Variants in OR52H1 observed in about 807,000 individuals in gnomAD.
The protein encoded by OR52H1 is olfactory receptor family 52 subfamily H member 1, also known as olfactory receptor 52H1.
For missense variants in OR52H1, 383 were observed against 396.4 expected (o/e 0.97, Z 0.29); for synonymous variants, 148 against 138.6 (o/e 1.07, Z -0.48).
Position 5,544,879 on chromosome 11 carries a change from G to A in OR52H1, c.627C>T (p.Val209=), listed in dbSNP as rs773336622. Residue 209 remains valine (V), a synonymous_variant, in exon 2 of 2, where the codon GTC becomes GTT. Coordinates refer to ENST00000322653, the MANE Select transcript of OR52H1 (RefSeq NM_001005289.5). The stretch of plus-strand genomic sequence containing the variant: ...CAGCAATGAGAATCACATCTGAGAT[G>A]ACCGTCATGATGGGAACACAAAAGC... ...WYGFCVPIMT[V]ISDVILIAVS... The A allele has an allele frequency of 7.2e-5, 117 of 1,613,892 alleles. No individual in the cohort carries two copies. The highest frequency in any genetic ancestry group is 9.6e-5 in the Non-Finnish European group (113 of 1,179,918).
In OR52H1 at chr11:5,544,893, G is replaced by A. The variant is rs866438299; in HGVS notation, c.613C>T (p.Pro205Ser). The change falls in exon 2 of 2, where the codon CCC becomes TCC. Residue 205 changes from proline to serine, a missense_variant. Pro to Ser is a moderately conservative substitution (Grantham distance 74, BLOSUM62 -1). Coordinates refer to ENST00000322653, the MANE Select transcript of OR52H1 (RefSeq NM_001005289.5). Reference protein sequence around the residue: ...SINFWYGFCVPIMTVISDVIL... With the variant: ...SINFWYGFCVSIMTVISDVIL... ...ACATCTGAGATGACCGTCATGATGGGAACACAAAAGCCATACCAGAAGTTG... is the reference window on the plus strand; with the variant it reads ...ACATCTGAGATGACCGTCATGATGGAAACACAAAAGCCATACCAGAAGTTG... 2 of 1,613,918 alleles carry A rather than the reference G, an allele frequency of 1.2e-6. No individual in the cohort carries two copies. The highest frequency in any genetic ancestry group is 1.7e-6 in the Non-Finnish European group (2 of 1,179,890).
chr11:5,547,236 G>A (rs368824), intron 1 of OR52H1, among the ~76,000 whole-genome samples: 48,387 of 152,080 alleles, frequency 0.32, 9,880 homozygotes, highest in East Asian at 0.85. Context: ...GATTACAGGC[G>A]TGAGCCACCA....
chr11:5,545,001 G>A lies in OR52H1; in HGVS notation c.505C>T (p.Pro169Ser). 2.5e-6 allele frequency: 4 copies of A among 1,614,194 alleles called. No individual in the cohort carries two copies. The highest frequency in any genetic ancestry group is 3.4e-6 in the Non-Finnish European group (4 of 1,180,024). The change falls in exon 2 of 2, where the codon CCT becomes TCT. Residue 169 changes from proline to serine, a missense_variant. Physicochemically the swap from Pro to Ser is moderately conservative, Grantham distance 74. Coordinates refer to ENST00000322653, the MANE Select transcript of OR52H1 (RefSeq NM_001005289.5). ...LPDVFLLTCL[P>S]FCRTRIIPHT... ...GGTATGATGCGTGTCCTGCAGAAAG[G>A]CAGGCATGTCAGCAAGAATACATCT...
chr11:5,546,787 C>CTCAGGGT (rs11281818), intron 1 of OR52H1, among the ~76,000 whole-genome samples: 151,684 of 152,248 alleles, frequency 1, 75,565 homozygotes, highest in East Asian at 1. Flanking sequence ...ACGGTTAACT[C>CTCAGGGT]TCTCATTTAA....
rs748082083 is a variant in OR52H1, at chr11:5,544,860, T to A, written c.646A>T (p.Ile216Phe). 1 of 1,613,532 alleles carries A rather than the reference T, an allele frequency of 6.2e-7. No individual in the cohort carries two copies. Among genetic ancestry groups the A allele is most frequent in the East Asian group, 2.2e-5 (1 of 44,866 alleles). The change falls in exon 2 of 2, where the codon ATT becomes TTT. Residue 216 changes from isoleucine to phenylalanine, a missense_variant. Transcript: ENST00000322653. ...IMTVISDVIL[I>F]AVSYAHILCA... ...AGGATGTGTGCGTAGGAAACAGCAA[T>A]GAGAATCACATCTGAGATGACCGTC...
Position 5,545,272 on chromosome 11 carries a change from A to G in OR52H1, c.234T>C (p.Ala78=). The part of the protein sequence containing the change: ...LAMTDLILST[A]GVPKALSIFW... ...AGATACTGAGTGCTTTAGGCACACC[A>G]GCTGTGGACAAGATGAGGTCAGTCA... The change falls in exon 2 of 2, where the codon GCT becomes GCC. Residue 78 remains alanine (A), a synonymous_variant. Coordinates refer to ENST00000322653, the MANE Select transcript of OR52H1 (RefSeq NM_001005289.5). 6.2e-7 allele frequency: 1 copy of G among 1,614,206 alleles called. No individual in the cohort carries two copies. Among genetic ancestry groups the G allele is most frequent in the Non-Finnish European group, 8.5e-7 (1 of 1,180,032 alleles).
rs142516135 is a variant in OR52H1, at chr11:5,545,805, T to A, written c.-30-270A>T. 2.5e-3 allele frequency among the ~76,000 whole-genome samples: 384 copies of A among 152,336 alleles called. 3 individuals are homozygous for A. The highest frequency in any genetic ancestry group is 8.9e-3 in the African/African-American group (370 of 41,574). ...CTCCCCCAGTAGTTTGCACAGCTTC[T>A]ACAGGAAGCCTTCCAGACTGGTTAC... On this transcript the variant is annotated intron_variant, in intron 1 of 1. Coordinates refer to ENST00000322653, the MANE Select transcript of OR52H1 (RefSeq NM_001005289.5).
At position 5,545,084 on chromosome 11, in the gene OR52H1, T is replaced by C. The variant is rs753639256; in HGVS notation, c.422A>G (p.Lys141Arg). 1.2e-6 allele frequency: 2 copies of C among 1,614,132 alleles called. No individual in the cohort carries two copies. The highest frequency in any genetic ancestry group is 1.1e-5 in the South Asian group (1 of 91,080). ...PLRYTTILTP[K>R]TIIKSAMGIS... is the part of the protein sequence containing the mutation. ...GCCCATAGCACTCTTGATGATGGTC[T>C]TGGGAGTCAAGATGGTGGTATATCT... Residue 141 changes from lysine to arginine, a missense_variant, in exon 2 of 2, where the codon AAG becomes AGG. Lys to Arg is a conservative substitution (Grantham distance 26, BLOSUM62 2). Transcript: ENST00000322653.
In OR52H1 at chr11:5,545,407, G is replaced by C. The variant is rs149787976; in HGVS notation, c.99C>G (p.Phe33Leu). ...CAACAGCTACAATGTAGATGATACA[G>C]AAGGGAATTCCAATCCACACATGGA... ...EQFHVWIGIP[F>L]CIIYIVAVVG... The change falls in exon 2 of 2, where the codon TTC (phenylalanine) becomes TTG (leucine). Residue 33 changes from phenylalanine to leucine, a missense_variant. Physicochemically the swap from Phe to Leu is conservative, Grantham distance 22. Transcript: ENST00000322653. 3 of 1,614,066 alleles carry C rather than the reference G, an allele frequency of 1.9e-6. No individual in the cohort carries two copies. In the African/African-American group the frequency reaches 4.0e-5, roughly 22 times the overall value.
At chr11:5,547,015 G>A (rs1282502459) in intron 1 of OR52H1, among the ~76,000 whole-genome samples, 2 of 152,110 alleles carry the variant, frequency 1.3e-5, no homozygotes, top group East Asian at 3.8e-4. Flanking sequence ...GAGTGCTGTG[G>A]CACGATCTCG....
At position 5,545,007 on chromosome 11, in the gene OR52H1, A is replaced by C. The variant is rs146711923; in HGVS notation, c.499T>G (p.Cys167Gly). 7 of 1,614,100 alleles carry C rather than the reference A, an allele frequency of 4.3e-6. No individual in the cohort carries two copies. Among genetic ancestry groups the C allele is most frequent in the Non-Finnish European group, 5.9e-6 (7 of 1,180,040 alleles). The change falls in exon 2 of 2, where the codon TGC becomes GGC. Residue 167 changes from cysteine to glycine, a missense_variant. Coordinates refer to ENST00000322653, the MANE Select transcript of OR52H1 (RefSeq NM_001005289.5). The part of the protein sequence containing the change: ...IILPDVFLLT[C>G]LPFCRTRIIP... ...ATGCGTGTCCTGCAGAAAGGCAGGC[A>C]TGTCAGCAAGAATACATCTGGCAGG...
intron 1 of OR52H1, among the ~76,000 whole-genome samples, chr11:5,546,096 T>G (rs1385953031): frequency 6.6e-6 from 1 of 151,766 alleles, no homozygotes. Context: ...ACCAGATGAG[T>G]TCCTACACTA....
rs1003734633 is a variant in OR52H1, at chr11:5,545,585, C to A, written c.-30-50G>T. 2.0e-6 allele frequency: 3 copies of A among 1,489,972 alleles called. No homozygotes were observed. The African/African-American group carries it at 4.2e-5, about 21-fold the overall frequency. The allele number at this position is 1,489,972 out of a possible 1,614,324, so 92.3% of individuals were successfully genotyped here. ...TAGAGAAACTTGAGTAACTCTCAAA[C>A]TTTCAACTAATTATAATTATTGCCT... On this transcript the variant is annotated intron_variant, in intron 1 of 1. Coordinates refer to ENST00000322653, the MANE Select transcript of OR52H1 (RefSeq NM_001005289.5).
At chr11:5,548,253 T>G (rs1771313924) in intron 1 of OR52H1, among the ~76,000 whole-genome samples, 199 bp downstream of exon 1, 1 of 131,992 alleles carries the variant, frequency 7.6e-6, no homozygotes, top group Non-Finnish European at 1.5e-5. Context: ...TGTCCATCTG[T>G]TCTGATCTTT....
At chr11:5,548,222 T>C (rs431702) in intron 1 of OR52H1, among the ~76,000 whole-genome samples, 96,722 of 152,052 alleles carry the variant, frequency 0.64, 32,026 homozygotes, top group East Asian at 0.94. Context: ...ACTGTGGTCA[T>C]ACTTAACGCA....
chr11:5,545,494 G>C lies in OR52H1; in HGVS notation c.12C>G (p.Phe4Leu). 6.2e-7 allele frequency: 1 copy of C among 1,614,014 alleles called. No individual in the cohort carries two copies. Among genetic ancestry groups the C allele is most frequent in the Non-Finnish European group, 8.5e-7 (1 of 1,179,928 alleles). The part of the protein sequence containing the change: MII[F>L]NLSSYNPGPF... ...GTCCTGGATTGTAACTGCTCAGGTT[G>C]AAAATGATCATGGCAGAGGCAGATG... The change falls in exon 2 of 2, where the codon TTC (phenylalanine) becomes TTG (leucine). Residue 4 changes from phenylalanine (F) to leucine (L), a missense_variant. Physicochemically the swap from Phe to Leu is conservative, Grantham distance 22. Transcript: ENST00000322653.
chr11:5,547,969 C>G (rs1429693089), intron 1 of OR52H1, among the ~76,000 whole-genome samples: 2 of 152,136 alleles, frequency 1.3e-5, no homozygotes, highest in African/African-American at 4.8e-5. Flanking sequence ...AATATAGTAC[C>G]TGAAACATAG....
intron 1 of OR52H1, among the ~76,000 whole-genome samples, chr11:5,547,560 CATG>C (rs1269919055): frequency 9.3e-5 from 7 of 75,060 alleles, no homozygotes; most frequent in Admixed American, 9.2e-4. Context: ...ATTTAAACTA[CATG>C]ATATTTGGGT....
chr11:5,545,070 T>A lies in OR52H1; in HGVS notation c.436A>T (p.Ser146Cys), dbSNP rs201350477. ...TILTPKTIIK[S>C]AMGISFRSFC... ...CTTCGAAAGGAGATGCCCATAGCAC[T>A]CTTGATGATGGTCTTGGGAGTCAAG... The change falls in exon 2 of 2, where the codon AGT becomes TGT. Residue 146 changes from serine to cysteine, a missense_variant. Coordinates refer to ENST00000322653, the MANE Select transcript of OR52H1 (RefSeq NM_001005289.5). 44 of 1,614,004 alleles carry A rather than the reference T, an allele frequency of 2.7e-5. No individual in the cohort carries two copies. The highest frequency in any genetic ancestry group is 1.6e-4 in the Middle Eastern group (1 of 6,084).
Sources: allele counts gnomAD v4.1 joint callset (sites outside exome capture counted in the v4.1 genomes callset), GRCh38; gene constraint gnomAD v4.1.1; transcripts MANE v1.5; gene names NCBI Gene and HGNC (gene_info 2026-07-23, HGNC 2026-07-21).